SDK2: variants seen among roughly 807,000 people sequenced by gnomAD.
The protein encoded by SDK2 is sidekick cell adhesion molecule 2.
SDK2 carries 105 observed loss-of-function variants against 253.9 expected under a neutral mutation model. The ratio of observed to expected loss-of-function variants is 0.41; its 90% confidence interval spans 0.35 to 0.49. SDK2 has a LOEUF of 0.49. Ranked by LOEUF, SDK2 falls within the 20% of genes least tolerant of loss-of-function variation. The probability of loss-of-function intolerance (pLI) is 0.06; values close to 1 mark genes in which losing one functional copy is unlikely to be tolerated. For synonymous variants in SDK2, 1,249 were observed against 1,234.9 expected (o/e 1.01, Z -0.24); for missense variants, 2,608 against 3,003.0 (o/e 0.87, Z 3.07).
At chr17:73,611,036 A>C (rs1411416996) in intron 1 of SDK2, among the ~76,000 whole-genome samples, 1 of 152,238 alleles carries the variant, frequency 6.6e-6, no homozygotes. Context: ...TTCTCTGCAC[A>C]GTCTGAAATT....
In SDK2 at chr17:73,467,208, T is replaced by A. The variant is rs777777400; in HGVS notation, c.331+4904A>T. ...CAGCCCAGGGCTGTCCCTGATTCTGTCTGAACTCTGACCCCAGCAGCTCAC... is the reference window on the plus strand; with the variant it reads ...CAGCCCAGGGCTGTCCCTGATTCTGACTGAACTCTGACCCCAGCAGCTCAC... On this transcript the variant is annotated intron_variant, in intron 3 of 44. Transcript: ENST00000392650. The surrounding 1 kb of genome is among the most constrained non-coding windows in gnomAD (Gnocchi z 4.1). Among the ~76,000 whole-genome samples the A allele has an allele frequency of 3.3e-5, 5 of 152,054 alleles. No homozygotes were observed. Among genetic ancestry groups the A allele is most frequent in the Non-Finnish European group, 7.4e-5 (5 of 68,004 alleles).
In SDK2 at chr17:73,539,582, C is replaced by T. The variant is rs147823445; in HGVS notation, c.65-31985G>A. 3.5e-3 allele frequency among the ~76,000 whole-genome samples: 530 copies of T among 152,180 alleles called. 3 individuals are homozygous for T. The highest frequency in any genetic ancestry group is 0.012 in the African/African-American group (503 of 41,498). ...TTGGTGAAAGCAAGTGACACAGCAC[C>T]GGAGTCACATATGAAGCATTTTGCT... is the stretch of plus-strand genomic sequence containing the variant. On this transcript the variant is annotated intron_variant, in intron 1 of 44. Coordinates refer to ENST00000392650, the MANE Select transcript of SDK2 (RefSeq NM_001144952.2).
intron 1 of SDK2, among the ~76,000 whole-genome samples, chr17:73,600,253 C>T (rs536386705): frequency 1.1e-4 from 16 of 152,328 alleles, no homozygotes; most frequent in African/African-American, 2.2e-4. Flanking sequence ...GGATGGCAGC[C>T]GTGTGCTGGG....
chr17:73,577,988 G>A (rs1280846484), intron 1 of SDK2, among the ~76,000 whole-genome samples: 1 of 152,068 alleles, frequency 6.6e-6, no homozygotes, highest in East Asian at 1.9e-4. Context: ...TGGCAGGAGA[G>A]CAGGCAGCTT....
At chr17:73,358,381 G>A (rs951641852) in intron 39 of SDK2, among the ~76,000 whole-genome samples, 177 bp from the exon 40 acceptor site, 1 of 152,166 alleles carries the variant, frequency 6.6e-6, no homozygotes, top group African/African-American at 2.4e-5. Context: ...CTGCCAGGAT[G>A]GACTGTTGTC....
intron 1 of SDK2, among the ~76,000 whole-genome samples, chr17:73,543,683 T>C (rs9890592): frequency 0.5 from 75,680 of 152,196 alleles, 19,282 homozygotes; most frequent in African/African-American, 0.59. Flanking sequence ...GCACTGCCCT[T>C]GGGGGATAGG....
chr17:73,487,299 G>A (rs1237956690), intron 2 of SDK2, among the ~76,000 whole-genome samples: 1 of 152,246 alleles, frequency 6.6e-6, no homozygotes, highest in Non-Finnish European at 1.5e-5. Context: ...GGGCTCAGTA[G>A]CCTTATGGAA....
chr17:73,341,102 C>G (rs912488958), intron 44 of SDK2, among the ~76,000 whole-genome samples: 6 of 149,136 alleles, frequency 4.0e-5, no homozygotes, highest in Non-Finnish European at 5.9e-5. Flanking sequence ...AGGCTGGTCT[C>G]AAACTCCTGG....
chr17:73,367,439 C>CCAAA (rs916184281), intron 37 of SDK2, among the ~76,000 whole-genome samples: 1 of 152,152 alleles, frequency 6.6e-6, no homozygotes, highest in Non-Finnish European at 1.5e-5. Context: ...ACCTGCGGTT[C>CCAAA]CCTCTGCCTG....
At chr17:73,459,902 C>T (rs2063552492) in intron 3 of SDK2, among the ~76,000 whole-genome samples, 1 of 152,158 alleles carries the variant, frequency 6.6e-6, no homozygotes, top group Non-Finnish European at 1.5e-5. Context: ...GCTCCTTCCT[C>T]ACAGATTGTA....
At chr17:73,417,038 C>T (rs148359242) in intron 16 of SDK2, among the ~76,000 whole-genome samples, 1 of 152,120 alleles carries the variant, frequency 6.6e-6, no homozygotes, top group East Asian at 1.9e-4. Context: ...ACGTGTTAAT[C>T]GACTGGTTAT....
In SDK2 at chr17:73,379,902, C is replaced by A. The variant is rs1034743263; in HGVS notation, c.4763-353G>T. Among the ~76,000 whole-genome samples the A allele has an allele frequency of 6.6e-6, 1 of 152,126 alleles. No homozygotes were observed. The highest frequency in any genetic ancestry group is 6.6e-5 in the Admixed American group (1 of 15,260). On this transcript the variant is annotated intron_variant, in intron 34 of 44. Coordinates refer to ENST00000392650, the MANE Select transcript of SDK2 (RefSeq NM_001144952.2). This position sits in a 1 kb window ranked among gnomAD's most constrained non-coding sequence, Gnocchi z 4.5. ...CTGGACATAGGGTCACCCCCTACCC[C>A]CAGCCTGTCCTCTTTCCCCACCGTG...
At chr17:73,564,590 C>T (rs1229240219) in intron 1 of SDK2, among the ~76,000 whole-genome samples, 3 of 152,014 alleles carry the variant, frequency 2.0e-5, no homozygotes, top group Non-Finnish European at 2.9e-5. Context: ...TTTGGGAGGT[C>T]GAGACAGGTG....
chr17:73,605,554 C>T (rs2143087630), intron 1 of SDK2, among the ~76,000 whole-genome samples: 1 of 152,150 alleles, frequency 6.6e-6, no homozygotes, highest in African/African-American at 2.4e-5. Flanking sequence ...AATAATGACC[C>T]ATAACTCCTG....
chr17:73,411,041 C>G (rs1674444186), intron 18 of SDK2, among the ~76,000 whole-genome samples: 1 of 152,232 alleles, frequency 6.6e-6, no homozygotes, highest in African/African-American at 2.4e-5. Context: ...TGCTCTTCAG[C>G]AATGCCGGCC....
intron 3 of SDK2, 32 bp downstream of exon 3, chr17:73,472,080 C>A (rs1249208709): frequency 1.3e-6 from 2 of 1,489,178 alleles, no homozygotes; most frequent in Admixed American, 2.0e-5. Flanking sequence ...CCACAGTCGC[C>A]CCCCCTGCCC....
intron 6 of SDK2, among the ~76,000 whole-genome samples, chr17:73,439,735 T>C (rs2145629363): frequency 6.6e-6 from 1 of 152,310 alleles, no homozygotes; most frequent in South Asian, 2.1e-4. Context: ...CCGCTGGGGT[T>C]GGTGCTCAGA....
At chr17:73,399,349 CG>C in intron 21 of SDK2, 60 bp from the exon 22 acceptor site, 1 of 1,596,652 alleles carries the variant, frequency 6.3e-7, no homozygotes, top group Non-Finnish European at 8.6e-7. Flanking sequence ...CCATGTTGAA[CG>C]GGACTGTTGG....
At chr17:73,512,283 A>G (rs972344313) in intron 1 of SDK2, among the ~76,000 whole-genome samples, 1 of 152,188 alleles carries the variant, frequency 6.6e-6, no homozygotes, top group Non-Finnish European at 1.5e-5. Context: ...AGGGGTGGCT[A>G]TTAACACTAT....
Sources: allele counts gnomAD v4.1 joint callset (sites outside exome capture counted in the v4.1 genomes callset), GRCh38; gene constraint gnomAD v4.1.1; non-coding constraint Gnocchi (gnomAD v3.1); transcripts MANE v1.5; gene names NCBI Gene and HGNC (gene_info 2026-07-23, HGNC 2026-07-21).